SUGCT: variants seen among roughly 807,000 people sequenced by gnomAD.
The protein encoded by SUGCT is succinyl-CoA:glutarate CoA-transferase.
A neutral mutation model predicts 55.0 loss-of-function variants in SUGCT; 41 were observed. The observed-to-expected ratio is 0.74, with a 90% CI of 0.58 to 0.97. SUGCT has a LOEUF of 0.97. Ranked by LOEUF, SUGCT falls within the 50% of genes least tolerant of loss-of-function variation. SUGCT has a pLI of 0.00. For missense variants in SUGCT, 568 were observed against 547.8 expected (o/e 1.04, Z -0.37); for synonymous variants, 187 against 200.4 (o/e 0.93, Z 0.56).
rs1290525539 is a variant in SUGCT at position 40,315,640 on chromosome 7, G to C, written c.721-1120G>C. The stretch of plus-strand genomic sequence containing the variant: ...ATTTCTTGTAGGAAGCACAGCTGCT[G>C]TGCTAGGTAGGGGGCAAGAAAAGGC... On this transcript the variant is annotated intron_variant, in intron 8 of 13. Transcript: ENST00000335693. Among the ~76,000 whole-genome samples the C allele has an allele frequency of 1.3e-4, 20 of 152,356 alleles. No homozygotes were observed. In the East Asian group the frequency reaches 3.9e-3, roughly 29 times the overall value.
chr7:40,206,552 C>T (rs1786985671), intron 6 of SUGCT, among the ~76,000 whole-genome samples: 2 of 152,088 alleles, frequency 1.3e-5, no homozygotes, highest in Non-Finnish European at 2.9e-5. Context: ...TGAAAAATAT[C>T]AAAGTTTAAG....
chr7:40,290,765 G>A (rs1230088578), intron 8 of SUGCT, among the ~76,000 whole-genome samples: 2 of 152,000 alleles, frequency 1.3e-5, no homozygotes, highest in Non-Finnish European at 2.9e-5. Context: ...ATCTGACAAA[G>A]GGCTAATATC....
chr7:40,847,597 A>C (rs1793638271), intron 13 of SUGCT, among the ~76,000 whole-genome samples: 1 of 151,522 alleles, frequency 6.6e-6, no homozygotes, highest in South Asian at 2.1e-4. Flanking sequence ...TTGTATTTTT[A>C]GTAGAGACAG....
intron 12 of SUGCT, among the ~76,000 whole-genome samples, chr7:40,503,466 A>G (rs1235733508): frequency 6.6e-6 from 1 of 152,154 alleles, no homozygotes. Flanking sequence ...CAAAACCACA[A>G]TAATGGGGCT....
In SUGCT at chr7:40,857,284, C is replaced by T. The variant is rs151301674; in HGVS notation, c.1154-3032C>T. 3.3e-5 allele frequency among the ~76,000 whole-genome samples: 5 copies of T among 152,206 alleles called. No individual in the cohort carries two copies. In the East Asian group the frequency reaches 9.6e-4, roughly 29 times the overall value. ...AGCCCTTTGTTTTCTTCATGCAAAC[C>T]TTATTCAGAGAGGGATGTCCCTGCT... On this transcript the variant is annotated intron_variant, in intron 13 of 13. Coordinates refer to ENST00000335693, the MANE Select transcript of SUGCT (RefSeq NM_001193313.2).
At chr7:40,699,114 A>G (rs981877489) in intron 12 of SUGCT, among the ~76,000 whole-genome samples, 1 of 152,180 alleles carries the variant, frequency 6.6e-6, no homozygotes, top group Non-Finnish European at 1.5e-5. Context: ...TTTCGATTTC[A>G]TATGAGATTA....
chr7:41,014,581 T>TG, the SUGCT span, among the ~76,000 whole-genome samples: 1 of 152,270 alleles, frequency 6.6e-6, no homozygotes, highest in South Asian at 2.1e-4. Flanking sequence ...GCTGAGGACT[T>TG]GGGGATGTGA....
intron 11 of SUGCT, among the ~76,000 whole-genome samples, chr7:40,476,159 A>G (rs779810155): frequency 6.6e-6 from 1 of 152,166 alleles, no homozygotes; most frequent in Non-Finnish European, 1.5e-5. Flanking sequence ...TAGGAATTAA[A>G]TGTCTATGTC....
At chr7:40,565,993 G>GCACACACACA (rs376444246) in intron 12 of SUGCT, among the ~76,000 whole-genome samples, 13 of 124,000 alleles carry the variant, frequency 1.0e-4, no homozygotes, top group African/African-American at 5.3e-4. Context: ...ACACACACAC[G>GCACACACACA]CACACACACA....
intron 12 of SUGCT, among the ~76,000 whole-genome samples, chr7:40,547,686 A>G (rs1795066536): frequency 1.3e-5 from 2 of 152,188 alleles, no homozygotes; most frequent in African/African-American, 4.8e-5. Flanking sequence ...TCCTTAATTC[A>G]AGGATCAGAG....
intron 12 of SUGCT, among the ~76,000 whole-genome samples, chr7:40,587,903 G>GTTT (rs376387507): frequency 1.5e-5 from 2 of 134,018 alleles, no homozygotes; most frequent in Admixed American, 7.5e-5. Context: ...CTTTCTTTCT[G>GTTT]TTTTTTTTTT....
the SUGCT span, among the ~76,000 whole-genome samples, chr7:40,897,902 AGCTCTCTGTAAAATGAACCAATC>A: frequency 1.7e-5 from 2 of 116,398 alleles, no homozygotes; most frequent in Non-Finnish European, 4.2e-5. Context: ...TGGACCAATC[AGCTCTCTGTAAAATGAACCAATC>A]AGCGGGATGT....
At chr7:40,820,280 GT>G (rs55786831) in intron 13 of SUGCT, among the ~76,000 whole-genome samples, 59,167 of 150,650 alleles carry the variant, frequency 0.39, 12,322 homozygotes, top group Middle Eastern at 0.56. Context: ...CTTTAAAGTA[GT>G]TTTTTTCCAA....
At chr7:40,392,152 G>A (rs1173891489) in intron 9 of SUGCT, among the ~76,000 whole-genome samples, 1 of 152,140 alleles carries the variant, frequency 6.6e-6, no homozygotes, top group Non-Finnish European at 1.5e-5. Flanking sequence ...GGAGATGGGG[G>A]AGGGATAGAA....
chr7:40,290,633 A>T (rs953415988), intron 8 of SUGCT, among the ~76,000 whole-genome samples: 8 of 152,230 alleles, frequency 5.3e-5, no homozygotes, highest in Non-Finnish European at 1.2e-4. Context: ...AGCAATGGCA[A>T]CAAAAGCCAA....
chr7:40,627,596 T>A (rs1799581000), intron 12 of SUGCT, among the ~76,000 whole-genome samples: 3 of 152,190 alleles, frequency 2.0e-5, no homozygotes, highest in African/African-American at 7.2e-5. Context: ...GAAGTGAAGT[T>A]TCAAAGTTAC....
chr7:40,703,205 C>T (rs1785243615), intron 12 of SUGCT, among the ~76,000 whole-genome samples: 1 of 152,098 alleles, frequency 6.6e-6, no homozygotes, highest in Non-Finnish European at 1.5e-5. Context: ...GCTGGGATCA[C>T]AGGCGTGTGC....
At chr7:40,854,030 C>A (rs1302574557) in intron 13 of SUGCT, among the ~76,000 whole-genome samples, 1 of 152,190 alleles carries the variant, frequency 6.6e-6, no homozygotes, top group Non-Finnish European at 1.5e-5. Flanking sequence ...ATGTGCTACT[C>A]AAATGAATGT....
At chr7:40,173,362 C>T (rs748919208) in intron 1 of SUGCT, among the ~76,000 whole-genome samples, 5 of 152,108 alleles carry the variant, frequency 3.3e-5, no homozygotes, top group African/African-American at 4.8e-5. Context: ...GGCGGGTCTG[C>T]GACAGCAGCA....
Sources: gnomAD v4.1 joint callset for allele counts (sites outside exome capture counted in the v4.1 genomes callset) on GRCh38, gnomAD v4.1.1 for gene constraint, MANE v1.5 for transcripts, NCBI Gene and HGNC (gene_info 2026-07-23, HGNC 2026-07-21) for gene names.